The following AGMO variants were observed in gnomAD, a reference collection of about 807,000 sequenced individuals.
The protein encoded by AGMO is glyceryl-ether monooxygenase.
In AGMO, 75 loss-of-function variants were observed where a neutral mutation model predicts 60.2. The ratio of observed to expected loss-of-function variants is 1.25; its 90% confidence interval spans 1.03 to 1.51. The LOEUF is 1.51. Among genes scored for constraint, AGMO ranks in the 40% most tolerant of loss-of-function variants. AGMO has a pLI of 0.00. For synonymous variants in AGMO, 261 were observed against 177.1 expected (o/e 1.47, Z -3.76); for missense variants, 763 against 525.5 (o/e 1.45, Z -4.42).
chr7:15,387,554 A>G lies in AGMO; in HGVS notation c.823-14T>C, dbSNP rs201881143. ...TAAGTGATGGAACTAGAAACAATAA[A>G]AAAAGAGCTTATTTCACATAAGATA... On this transcript the variant is annotated splice_polypyrimidine_tract_variant and intron_variant, in intron 8 of 12. Transcript: ENST00000342526. 6.3e-4 allele frequency: 993 copies of G among 1,588,740 alleles called. 5 individuals are homozygous for G. The African/African-American group carries it at 0.011, about 17-fold the overall frequency.
At chr7:15,350,175 C>T (rs1452264321) in intron 12 of AGMO, among the ~76,000 whole-genome samples, 1 of 152,072 alleles carries the variant, frequency 6.6e-6, no homozygotes, top group African/African-American at 2.4e-5. Context: ...AATTTAAATA[C>T]TTGTTCAAGG....
In AGMO at chr7:15,560,140, C is replaced by A. The variant is rs201284654; in HGVS notation, c.257+1G>T. 2.2e-5 allele frequency: 35 copies of A among 1,606,180 alleles called. No individual in the cohort carries two copies. The highest frequency in any genetic ancestry group is 2.7e-5 in the Non-Finnish European group (32 of 1,174,934). On this transcript the variant is annotated splice_donor_variant, in intron 2 of 12. Coordinates refer to ENST00000342526, the MANE Select transcript of AGMO (RefSeq NM_001004320.2). LOFTEE classifies it high-confidence loss of function. ...TCAGCGTTGTTGACCATCTAACTCA[C>A]CTTGGAAGTCGAGACAGAACACCAG...
chr7:15,369,111 A>C (rs1451705794), intron 10 of AGMO, among the ~76,000 whole-genome samples: 1 of 152,082 alleles, frequency 6.6e-6, no homozygotes, highest in Admixed American at 6.6e-5. Context: ...ATATCAAGAG[A>C]TATATTTAAA....
intron 10 of AGMO, among the ~76,000 whole-genome samples, chr7:15,382,873 CTTTG>C (rs1334882887): frequency 4.6e-5 from 7 of 152,086 alleles, no homozygotes; most frequent in Non-Finnish European, 5.9e-5. Flanking sequence ...TGATTAGATA[CTTTG>C]TTTGAAAACA....
chr7:15,135,739 T>G, the AGMO span, among the ~76,000 whole-genome samples: 1 of 123,790 alleles, frequency 8.1e-6, no homozygotes, highest in African/African-American at 2.8e-5. Context: ...AATCTGCTTA[T>G]TCCTCTATTT....
intron 12 of AGMO, among the ~76,000 whole-genome samples, chr7:15,349,990 G>T (rs1336580346): frequency 6.6e-6 from 1 of 152,044 alleles, no homozygotes; most frequent in Admixed American, 6.6e-5. Context: ...TGAACAAATG[G>T]TAACTATTTA....
At chr7:15,490,940 T>C (rs1040610558) in intron 3 of AGMO, among the ~76,000 whole-genome samples, 1 of 152,200 alleles carries the variant, frequency 6.6e-6, no homozygotes, top group African/African-American at 2.4e-5. Context: ...TTATGCATTC[T>C]AGTTTAGCTC....
At chr7:15,146,524 T>TG in the AGMO span, among the ~76,000 whole-genome samples, 1 of 152,182 alleles carries the variant, frequency 6.6e-6, no homozygotes, top group East Asian at 1.9e-4. Context: ...TATTTTTTTT[T>TG]TTTTGGTCAA....
intron 12 of AGMO, among the ~76,000 whole-genome samples, chr7:15,303,571 C>T (rs1417277679): frequency 3.9e-5 from 6 of 151,950 alleles, no homozygotes; most frequent in East Asian, 1.9e-4. Context: ...TGACCTGTGA[C>T]GCGAGCATGG....
chr7:15,429,356 T>A (rs938574345), intron 4 of AGMO, among the ~76,000 whole-genome samples: 3 of 151,970 alleles, frequency 2.0e-5, no homozygotes, highest in Non-Finnish European at 2.9e-5. Flanking sequence ...ATGCCTGGTA[T>A]CCTCCTAAAA....
rs547451558 is a variant in AGMO, at chr7:15,296,874, T to C, written c.1263+68640A>G. Among the ~76,000 whole-genome samples, 4 of 152,278 alleles carry C rather than the reference T, an allele frequency of 2.6e-5. No individual in the cohort carries two copies. In the South Asian group the frequency reaches 6.2e-4, roughly 24 times the overall value. Reference sequence around the variant, plus strand: ...TGAGTCTTAAAGAAGCCAAAGCTAGTGTTTTGTGGTTCTTTCTTCCATTTT... The same window carrying C: ...TGAGTCTTAAAGAAGCCAAAGCTAGCGTTTTGTGGTTCTTTCTTCCATTTT... On this transcript the variant is annotated intron_variant, in intron 12 of 12. Transcript: ENST00000342526.
intron 3 of AGMO, among the ~76,000 whole-genome samples, chr7:15,471,390 G>A (rs962090221): frequency 2.0e-5 from 3 of 151,832 alleles, no homozygotes; most frequent in Admixed American, 6.6e-5. Flanking sequence ...AGTCTACACA[G>A]GACCTCTTAT....
At chr7:15,424,257 CT>C (rs1254361217) in intron 4 of AGMO, among the ~76,000 whole-genome samples, 1 of 152,156 alleles carries the variant, frequency 6.6e-6, no homozygotes, top group Non-Finnish European at 1.5e-5. Context: ...CACAAGCTCA[CT>C]TCTTACTTAT....
At chr7:15,171,934 T>G in the AGMO span, among the ~76,000 whole-genome samples, 37 of 152,292 alleles carry the variant, frequency 2.4e-4, no homozygotes, top group Non-Finnish European at 4.9e-4. Context: ...AGTACCTATC[T>G]CTGTGGCTCA....
intron 5 of AGMO, 56 bp downstream of exon 5, chr7:15,418,502 G>A: frequency 1.9e-6 from 2 of 1,078,876 alleles, no homozygotes; most frequent in Admixed American, 2.1e-5. Flanking sequence ...GGATTTCCAG[G>A]ACATTGCTTC....
the AGMO span, among the ~76,000 whole-genome samples, chr7:15,119,736 T>C: frequency 6.6e-6 from 1 of 152,140 alleles, no homozygotes; most frequent in African/African-American, 2.4e-5. Context: ...TATGCAATTA[T>C]AGACATTCTT....
intron 10 of AGMO, among the ~76,000 whole-genome samples, chr7:15,383,479 A>G (rs1299729978): frequency 6.9e-6 from 1 of 145,404 alleles, no homozygotes; most frequent in Non-Finnish European, 1.5e-5. Flanking sequence ...CTCAGGACCT[A>G]TTTCAAGAAA....
At chr7:15,247,346 A>C (rs1234121260) in intron 12 of AGMO, among the ~76,000 whole-genome samples, 2 of 151,962 alleles carry the variant, frequency 1.3e-5, no homozygotes, top group Non-Finnish European at 2.9e-5. Context: ...CTGAAAAGAT[A>C]AAATATGATA....
At chr7:15,508,664 G>A (rs1346784380) in intron 3 of AGMO, among the ~76,000 whole-genome samples, 1 of 151,724 alleles carries the variant, frequency 6.6e-6, no homozygotes, top group African/African-American at 2.4e-5. Flanking sequence ...GACAGCCTCT[G>A]TACACTGCGC....
Sources: gnomAD v4.1 joint callset for allele counts (sites outside exome capture counted in the v4.1 genomes callset) on GRCh38, gnomAD v4.1.1 for gene constraint, MANE v1.5 for transcripts, NCBI Gene and HGNC (gene_info 2026-07-23, HGNC 2026-07-21) for gene names.